Variants in FRMPD4 observed in about 807,000 individuals in gnomAD.
FRMPD4 encodes the protein FERM and PDZ domain containing 4.
In FRMPD4, 22 loss-of-function variants were observed where a neutral mutation model predicts 94.1. The observed-to-expected ratio is 0.23, with a 90% CI of 0.17 to 0.33. The LOEUF is 0.33. FRMPD4 is among the 10% of genes least tolerant of loss of function. The pLI, the probability that FRMPD4 is intolerant of heterozygous loss-of-function variation, is 1.00. For missense variants in FRMPD4, 1,111 were observed against 1,339.9 expected (o/e 0.83, Z 2.67); for synonymous variants, 631 against 548.6 (o/e 1.15, Z -2.10).
At chrX:12,117,889 T>A (rs777426563) in intron 3 of FRMPD4, among the ~76,000 whole-genome samples, 2 of 112,125 alleles carry the variant, frequency 1.8e-5, no homozygotes, top group African/African-American at 3.2e-5. Context: ...TTCTTCCCAA[T>A]ATCCAAGTTC....
At chrX:12,533,975 G>A (rs1220602823) in intron 2 of FRMPD4, among the ~76,000 whole-genome samples, 1 of 112,749 alleles carries the variant, frequency 8.9e-6, no homozygotes, top group African/African-American at 3.2e-5. Flanking sequence ...ATGTCTCCAG[G>A]GCATGTCAGA....
chrX:11,863,178 C>A lies in FRMPD4; in HGVS notation c.-160-1908C>A, dbSNP rs763645242. Among the ~76,000 whole-genome samples the A allele has an allele frequency of 1.0e-4, 11 of 108,120 alleles. No homozygotes were observed. The East Asian group carries it at 2.9e-3, about 29-fold the overall frequency. 93.9% of individuals were successfully genotyped at this position (108,120 alleles called of 115,157 possible). A position where few individuals can be genotyped will look rare whatever the true frequency, so the allele number is the denominator to read the frequency against. ...TAATGCTATCCCTCCCCTCTCCCCC[C>A]ACCCCACAACAGGCCTCAGTGTGTG... On this transcript the variant is annotated intron_variant, in intron 1 of 18. Transcript: ENST00000640291.
chrX:12,044,588 T>C (rs908125661), intron 3 of FRMPD4, among the ~76,000 whole-genome samples: 2 of 111,842 alleles, frequency 1.8e-5, no homozygotes, highest in African/African-American at 6.5e-5. Flanking sequence ...GGTGACCAGT[T>C]TGAGCTGGAT....
intron 1 of FRMPD4, among the ~76,000 whole-genome samples, chrX:12,428,770 ATTTC>A (rs1361201052): frequency 9.2e-6 from 1 of 108,972 alleles, no homozygotes; most frequent in Non-Finnish European, 1.9e-5. Context: ...ATTTCCTCTG[ATTTC>A]TTTCATTTTT....
At chrX:12,326,172 T>C (rs1205584145) in intron 1 of FRMPD4, among the ~76,000 whole-genome samples, 2 of 112,023 alleles carry the variant, frequency 1.8e-5, no homozygotes, top group Admixed American at 9.5e-5. Flanking sequence ...ATTTTTTTTA[T>C]CCATGCTAAT....
At chrX:12,718,925 T>A in intron 16 of FRMPD4, 135 bp downstream of exon 16, 1 of 436,781 alleles carries the variant, frequency 2.3e-6, no homozygotes, top group South Asian at 5.1e-5. Flanking sequence ...AACTGTAAAG[T>A]ACCAATCATT....
chrX:12,169,959 A>T (rs1278744190), intron 1 of FRMPD4, among the ~76,000 whole-genome samples: 4 of 112,129 alleles, frequency 3.6e-5, no homozygotes, highest in Non-Finnish European at 7.5e-5. Flanking sequence ...CCTGCAGGCC[A>T]ATTTGTCAAC....
chrX:12,016,434 A>T lies in FRMPD4; in HGVS notation c.95+138416A>T, dbSNP rs182612515. On this transcript the variant is annotated intron_variant, in intron 3 of 18. Transcript: ENST00000640291. ...ACAACTATCCTCAGCTGTCTTTTTT[A>T]AAAAAAATAATGACTAATGCATTCC... Among the ~76,000 whole-genome samples, 273 of 111,677 alleles carry T rather than the reference A, an allele frequency of 2.4e-3. 4 individuals carry two copies. The East Asian group carries it at 0.047, about 19-fold the overall frequency.
At chrX:12,067,592 A>G (rs769006392) in intron 3 of FRMPD4, among the ~76,000 whole-genome samples, 59 of 108,488 alleles carry the variant, frequency 5.4e-4, no homozygotes, top group Non-Finnish European at 1.0e-3. Context: ...TAATTTTTGT[A>G]TTTTTAGTAG....
At chrX:12,139,549 T>G (rs756239858) in intron 1 of FRMPD4, among the ~76,000 whole-genome samples, 6,646 of 93,310 alleles carry the variant, frequency 0.071, 268 homozygotes, top group African/African-American at 0.1. Context: ...CCTTTTTTTT[T>G]TTGGGGGGGG....
Position 12,694,436 on chromosome X carries a change from C to T in FRMPD4, c.915C>T (p.Phe305=), listed in dbSNP as rs111437823. The change falls in exon 9 of 17, where the codon TTC becomes TTT. Residue 305 remains phenylalanine (F), a synonymous_variant. Transcript: ENST00000675598. The part of the protein sequence containing the change: ...IDLLRRDPVA[F]EYLYVQSCND... ...TTTTAAGGAGAGATCCAGTTGCTTT[C>T]GAGTATCTCTATGTTCAGGTATGTT... is the stretch of plus-strand genomic sequence containing the variant. 1.6e-5 allele frequency: 19 copies of T among 1,197,050 alleles called. No homozygotes were observed. The highest frequency in any genetic ancestry group is 2.3e-4 in the Middle Eastern group (1 of 4,339).
chrX:12,042,972 A>G (rs1433067749), intron 3 of FRMPD4, among the ~76,000 whole-genome samples: 2 of 111,972 alleles, frequency 1.8e-5, no homozygotes, highest in East Asian at 2.8e-4. Context: ...TACAATTACC[A>G]TTCTCATCTA....
At chrX:12,582,546 G>C (rs2058878257) in intron 2 of FRMPD4, among the ~76,000 whole-genome samples, 1 of 111,791 alleles carries the variant, frequency 8.9e-6, no homozygotes, top group Non-Finnish European at 1.9e-5. Context: ...ACAGGGAAGG[G>C]AAGGAGACTG....
At chrX:12,552,688 A>G (rs1286967164) in intron 2 of FRMPD4, among the ~76,000 whole-genome samples, 1 of 112,072 alleles carries the variant, frequency 8.9e-6, no homozygotes, top group East Asian at 2.8e-4. Flanking sequence ...ATCTTGCTCT[A>G]TAACTATGTA....
intron 3 of FRMPD4, among the ~76,000 whole-genome samples, chrX:11,884,999 G>A (rs981845823): frequency 4.5e-5 from 5 of 111,443 alleles, no homozygotes; most frequent in Non-Finnish European, 7.5e-5. Flanking sequence ...TGGATGCACC[G>A]AAACTGTTGT....
At chrX:11,913,714 A>G (rs992720262) in intron 3 of FRMPD4, among the ~76,000 whole-genome samples, 1 of 112,200 alleles carries the variant, frequency 8.9e-6, no homozygotes, top group Non-Finnish European at 1.9e-5. Flanking sequence ...TCCCTTTGGT[A>G]AATAAGGAAA....
intron 16 of FRMPD4, among the ~76,000 whole-genome samples, chrX:12,720,107 GAAAGA>G (rs368041075): frequency 2.1e-3 from 229 of 110,101 alleles, no homozygotes; most frequent in Non-Finnish European, 3.2e-3. Context: ...GAGGAAGAAA[GAAAGA>G]AAAGAAAAGA....
chrX:12,525,017 C>T (rs766848797), intron 2 of FRMPD4, among the ~76,000 whole-genome samples: 19 of 111,201 alleles, frequency 1.7e-4, no homozygotes, highest in Non-Finnish European at 3.0e-4. Context: ...TCATGTGTGG[C>T]CCAAGATAAT....
chrX:11,998,342 G>A (rs1056718356), intron 3 of FRMPD4, among the ~76,000 whole-genome samples: 1 of 111,859 alleles, frequency 8.9e-6, no homozygotes, highest in Non-Finnish European at 1.9e-5. Flanking sequence ...GATAATGATG[G>A]TGCCCTTAGA....
Sources: gnomAD v4.1 joint callset for allele counts (sites outside exome capture counted in the v4.1 genomes callset) on GRCh38, gnomAD v4.1.1 for gene constraint, MANE v1.5 for transcripts, NCBI Gene and HGNC (gene_info 2026-07-23, HGNC 2026-07-21) for gene names.